RHOBTB3: variants seen among roughly 807,000 people sequenced by gnomAD.
RHOBTB3 encodes Rho related BTB domain containing 3.
RHOBTB3 carries 47 observed loss-of-function variants against 67.2 expected under a neutral mutation model. That is an observed-to-expected ratio of 0.70 (90% CI 0.55 to 0.89). RHOBTB3 has a LOEUF of 0.89. RHOBTB3 is among the 40% of genes least tolerant of loss of function. The probability of loss-of-function intolerance (pLI) is 0.00; values close to 1 mark genes in which losing one functional copy is unlikely to be tolerated. For synonymous variants in RHOBTB3, 273 were observed against 274.2 expected, an observed-to-expected ratio of 1.00 and a Z score of 0.04; for missense variants, 631 against 750.0, an observed-to-expected ratio of 0.84 and a Z score of 1.85.
chr5:95,762,548 A>C (rs1458936444), intron 6 of RHOBTB3, among the ~76,000 whole-genome samples: 1 of 152,078 alleles, frequency 6.6e-6, no homozygotes, highest in Non-Finnish European at 1.5e-5. Context: ...ACTAGTAGTT[A>C]ATAGCTGAGG....
intron 10 of RHOBTB3, among the ~76,000 whole-genome samples, chr5:95,785,097 G>T (rs968560303): frequency 1.4e-4 from 21 of 152,138 alleles, no homozygotes; most frequent in African/African-American, 4.8e-4. Context: ...ACATGATGGG[G>T]CAAATTCCAG....
chr5:95,754,697 A>G (rs979217514), intron 5 of RHOBTB3, among the ~76,000 whole-genome samples: 7 of 152,342 alleles, frequency 4.6e-5, no homozygotes, highest in Non-Finnish European at 7.3e-5. Context: ...TTGGTGATCA[A>G]ACTAGTAAAC....
intron 8 of RHOBTB3, among the ~76,000 whole-genome samples, chr5:95,773,167 C>G (rs1745767499): frequency 6.6e-6 from 1 of 152,076 alleles, no homozygotes; most frequent in Non-Finnish European, 1.5e-5. Context: ...TGTGGTGAAT[C>G]CTTGCTCCTC....
intron 1 of RHOBTB3, among the ~76,000 whole-genome samples, chr5:95,720,593 C>T (rs1754840730): frequency 6.6e-6 from 1 of 151,448 alleles, no homozygotes; most frequent in African/African-American, 2.4e-5. Context: ...TACTACAATG[C>T]TTGTGCTGAA....
At position 95,731,687 on chromosome 5, in the gene RHOBTB3, A is replaced by T. The variant is rs113541239; in HGVS notation, c.2+3A>T. The T allele has an allele frequency of 1.2e-6, 2 of 1,613,356 alleles. No homozygotes were observed. Among genetic ancestry groups the T allele is most frequent in the East Asian group, 2.2e-5 (1 of 44,836 alleles). On this transcript the variant is annotated splice_donor_region_variant and intron_variant, in intron 1 of 11. Coordinates refer to ENST00000379982, the MANE Select transcript of RHOBTB3 (RefSeq NM_014899.4). ...CCTGCCCTTGGATTTGAGATCATGT[A>T]CGTACGCGCCGCCGTCCTGCCATTG...
chr5:95,769,939 C>T, intron 8 of RHOBTB3: 1 of 415,822 alleles, frequency 2.4e-6, no homozygotes, highest in East Asian at 7.1e-5. Context: ...GCAGTAAAAG[C>T]TCCAGGTTTG....
chr5:95,751,960 A>G (rs1378808275), intron 4 of RHOBTB3, among the ~76,000 whole-genome samples: 2 of 152,190 alleles, frequency 1.3e-5, no homozygotes, highest in African/African-American at 4.8e-5. Flanking sequence ...AGTTGACTCT[A>G]TGTCATTGCT....
chr5:95,785,204 TCTC>T (rs1561456937), intron 10 of RHOBTB3, among the ~76,000 whole-genome samples: 1 of 152,236 alleles, frequency 6.6e-6, no homozygotes, highest in African/African-American at 2.4e-5. Flanking sequence ...ATCTAGGTCT[TCTC>T]CTACTATCTC....
chr5:95,780,471 T>A (rs1183148310), intron 9 of RHOBTB3, 46 bp downstream of exon 9: 1 of 1,542,062 alleles, frequency 6.5e-7, no homozygotes, highest in Non-Finnish European at 8.9e-7. Context: ...CTTTCTTTCC[T>A]TGCCACCCAT....
chr5:95,722,202 A>G (rs1754904786), intron 1 of RHOBTB3, among the ~76,000 whole-genome samples: 1 of 152,212 alleles, frequency 6.6e-6, no homozygotes, highest in African/African-American at 2.4e-5. Flanking sequence ...CAACACAGCA[A>G]GCAAAGGGAG....
At chr5:95,749,994 A>G (rs1370144555) in intron 4 of RHOBTB3, among the ~76,000 whole-genome samples, 1 of 152,212 alleles carries the variant, frequency 6.6e-6, no homozygotes, top group Non-Finnish European at 1.5e-5. Context: ...CAAGGTTGGG[A>G]GAAAGACGTG....
Position 95,794,016 on chromosome 5 carries a change from C to T in RHOBTB3, c.*842C>T. 2.2e-6 allele frequency: 1 copy of T among 456,204 alleles called. No homozygotes were observed. The highest frequency in any genetic ancestry group is 4.4e-6 in the Non-Finnish European group (1 of 226,934). 28.3% of individuals were successfully genotyped at this position (456,204 alleles called of 1,614,324 possible). A position where few individuals can be genotyped will look rare whatever the true frequency, so the allele number is the denominator to read the frequency against. On this transcript the variant is annotated 3_prime_UTR_variant, in exon 12 of 12. Coordinates refer to ENST00000379982, the MANE Select transcript of RHOBTB3 (RefSeq NM_014899.4). ...GCTCAAACACCTTTCTCTCTGAAAG[C>T]AGAAAAAGGCACTGATATAAAGGGA...
chr5:95,780,692 T>C (rs558934973), intron 9 of RHOBTB3, among the ~76,000 whole-genome samples: 1 of 152,276 alleles, frequency 6.6e-6, no homozygotes, highest in East Asian at 1.9e-4. Context: ...TGGGGATCAC[T>C]GTAGGCAACT....
chr5:95,784,525 A>T (rs540471491), intron 10 of RHOBTB3, among the ~76,000 whole-genome samples: 1 of 152,162 alleles, frequency 6.6e-6, no homozygotes, highest in South Asian at 2.1e-4. Flanking sequence ...GTATGTGTAC[A>T]TGCTTCTTCT....
At chr5:95,731,006 C>CG (rs899713983), upstream of RHOBTB3, 15 of 679,168 alleles carry the variant, frequency 2.2e-5, no homozygotes, top group East Asian at 7.0e-5. Flanking sequence ...CCGGAGTGAG[C>CG]GGGGGCCCCA....
chr5:95,758,694 A>G (rs1373138667), intron 6 of RHOBTB3, among the ~76,000 whole-genome samples: 1 of 152,252 alleles, frequency 6.6e-6, no homozygotes, highest in Non-Finnish European at 1.5e-5. Context: ...TTGGCCCTTC[A>G]TCGTCTAGAC....
intron 6 of RHOBTB3, among the ~76,000 whole-genome samples, chr5:95,762,063 A>G (rs1157118859): frequency 1.3e-5 from 2 of 152,228 alleles, no homozygotes; most frequent in Non-Finnish European, 2.9e-5. Context: ...GCAAAGGCAG[A>G]AAGAAGCAGT....
At chr5:95,773,633 A>C (rs1203795069) in intron 8 of RHOBTB3, among the ~76,000 whole-genome samples, 4 of 152,182 alleles carry the variant, frequency 2.6e-5, no homozygotes, top group African/African-American at 9.6e-5. Context: ...GGTTCTTTTT[A>C]GTGTTAAGAG....
chr5:95,788,758 G>T lies in RHOBTB3; in HGVS notation c.1624-4G>T, dbSNP rs777465053. 122 of 1,574,244 alleles carry T rather than the reference G, an allele frequency of 7.7e-5. No individual in the cohort carries two copies. Among genetic ancestry groups the T allele is most frequent in the Non-Finnish European group, 1.0e-4 (121 of 1,157,844 alleles). On this transcript the variant is annotated splice_polypyrimidine_tract_variant and splice_region_variant and intron_variant, in intron 10 of 11. Transcript: ENST00000379982. ...TATTATTTCACTTTTCATTTTTCTTGCAGTTTCACCACTCTGATTGCCTTT... is the reference window on the plus strand; with the variant it reads ...TATTATTTCACTTTTCATTTTTCTTTCAGTTTCACCACTCTGATTGCCTTT...
Sources: allele counts gnomAD v4.1 joint callset (sites outside exome capture counted in the v4.1 genomes callset), GRCh38; gene constraint gnomAD v4.1.1; transcripts MANE v1.5; gene names NCBI Gene and HGNC (gene_info 2026-07-23, HGNC 2026-07-21).